Variants in ALX4 observed in about 807,000 individuals in gnomAD.
The protein encoded by ALX4 is homeobox protein aristaless-like 4.
In ALX4, 22 loss-of-function variants were observed where a neutral mutation model predicts 40.6. That is an observed-to-expected ratio of 0.54 (90% CI 0.39 to 0.77). ALX4 has a LOEUF of 0.77. ALX4 is among the 30% of genes least tolerant of loss of function. The probability of loss-of-function intolerance (pLI) is 0.00; values close to 1 mark genes in which losing one functional copy is unlikely to be tolerated. For missense variants in ALX4, 556 were observed against 564.8 expected (o/e 0.98, Z 0.16); for synonymous variants, 266 against 240.5 (o/e 1.11, Z -0.98).
At chr11:44,302,128 G>A (rs755969621) in intron 1 of ALX4, among the ~76,000 whole-genome samples, 44 of 152,206 alleles carry the variant, frequency 2.9e-4, no homozygotes, top group Non-Finnish European at 4.4e-4. Context: ...CGCCTCTGGA[G>A]GCAGAGGCTA....
At chr11:44,303,306 T>C (rs1033449830) in intron 1 of ALX4, among the ~76,000 whole-genome samples, 5 of 152,184 alleles carry the variant, frequency 3.3e-5, no homozygotes, top group African/African-American at 1.2e-4. Context: ...ACTGGCTCCC[T>C]CTCTGCCCCC....
At chr11:44,306,776 G>T (rs1956471109) in intron 1 of ALX4, among the ~76,000 whole-genome samples, 1 of 152,158 alleles carries the variant, frequency 6.6e-6, no homozygotes, top group African/African-American at 2.4e-5. Flanking sequence ...TGCTGGCAGG[G>T]TAGGGATCCC....
At chr11:44,276,838 G>A (rs1275091756) in intron 1 of ALX4, among the ~76,000 whole-genome samples, 1 of 152,188 alleles carries the variant, frequency 6.6e-6, no homozygotes, top group Non-Finnish European at 1.5e-5. Flanking sequence ...TCACGCCTCT[G>A]TGAGAATCTA....
chr11:44,280,238 G>A (rs1956301742), intron 1 of ALX4, among the ~76,000 whole-genome samples: 1 of 152,234 alleles, frequency 6.6e-6, no homozygotes, highest in Non-Finnish European at 1.5e-5. Flanking sequence ...AGGGACAGAA[G>A]GAGAAGCAGA....
rs182439373 is a variant in ALX4, at chr11:44,277,658, T to G, written c.467-2000A>C. On this transcript the variant is annotated intron_variant, in intron 1 of 3. Transcript: ENST00000652299. Reference sequence around the variant, plus strand: ...GATCCTGAGGGCTGAAGCTTCAGACTCGTCTCATTCCTGGCTTTCTGTGCA... The same window carrying G: ...GATCCTGAGGGCTGAAGCTTCAGACGCGTCTCATTCCTGGCTTTCTGTGCA... 3.9e-5 allele frequency among the ~76,000 whole-genome samples: 6 copies of G among 152,346 alleles called. No individual in the cohort carries two copies. The East Asian group carries it at 1.2e-3, about 29-fold the overall frequency.
At chr11:44,297,722 TAATAA>T (rs10542746) in intron 1 of ALX4, among the ~76,000 whole-genome samples, 145,193 of 150,614 alleles carry the variant, frequency 0.96, 70,144 homozygotes, top group Non-Finnish European at 1. Context: ...TCTCAAAAAA[TAATAA>T]AATAAAATAA....
At chr11:44,300,246 C>A (rs530060067) in intron 1 of ALX4, among the ~76,000 whole-genome samples, 1 of 152,278 alleles carries the variant, frequency 6.6e-6, no homozygotes, top group South Asian at 2.1e-4. Flanking sequence ...AACCCCAAGG[C>A]CTCTGAAACC....
At position 44,262,628 on chromosome 11, in the gene ALX4, C is replaced by T. The variant is rs78607024; in HGVS notation, c.*2226G>A. On this transcript the variant is annotated 3_prime_UTR_variant, in exon 4 of 4. Transcript: ENST00000652299. ...TCTGGAGCTACCTGTCTGTCCTCCTCTTTGTCCTGATTCCCTTGCTCTCCC... is the reference window on the plus strand; with the variant it reads ...TCTGGAGCTACCTGTCTGTCCTCCTTTTTGTCCTGATTCCCTTGCTCTCCC... 0.024 allele frequency: 3,717 copies of T among 152,668 alleles called. 94 individuals are homozygous for T. Among genetic ancestry groups the T allele is most frequent in the Admixed American group, 0.069 (1,056 of 15,306 alleles). 9.5% of individuals were successfully genotyped at this position (152,668 alleles called of 1,614,324 possible).
At position 44,288,899 on chromosome 11, in the gene ALX4, C is replaced by T. The variant is rs532627353; in HGVS notation, c.467-13241G>A. Among the ~76,000 whole-genome samples the T allele has an allele frequency of 4.1e-4, 63 of 152,340 alleles. No individual in the cohort carries two copies. In the South Asian group the frequency reaches 7.7e-3, roughly 19 times the overall value. The stretch of plus-strand genomic sequence containing the variant: ...AAAGAACCCTAAACTTTGTCCAGCC[C>T]TCAGCCCCCATGGCCCCTCTGCCAA... On this transcript the variant is annotated intron_variant, in intron 1 of 3. Coordinates refer to ENST00000652299, the MANE Select transcript of ALX4 (RefSeq NM_021926.4).
chr11:44,306,494 CT>C (rs1319671437), intron 1 of ALX4, among the ~76,000 whole-genome samples: 1 of 152,246 alleles, frequency 6.6e-6, no homozygotes, highest in Non-Finnish European at 1.5e-5. Flanking sequence ...GAGCTTCCCC[CT>C]TTTGTTAGGT....
At position 44,261,976 on chromosome 11, in the gene ALX4, G is replaced by GC. The variant is rs1176449859; in HGVS notation, c.*2877dup. On this transcript the variant is annotated 3_prime_UTR_variant, in exon 4 of 4. Coordinates refer to ENST00000652299, the MANE Select transcript of ALX4 (RefSeq NM_021926.4). Reference sequence around the variant, plus strand: ...CCTGCTCTGCAGTGCAGAAGGTTGGGCCTAGCCACCTGTCTTGGAAGGGAC... The same window carrying GC: ...CCTGCTCTGCAGTGCAGAAGGTTGGGCCCTAGCCACCTGTCTTGGAAGGGAC... 1 of 152,300 alleles carries GC rather than the reference G, an allele frequency of 6.6e-6. No homozygotes were observed. Among genetic ancestry groups the GC allele is most frequent in the African/African-American group, 2.4e-5 (1 of 41,478 alleles). 9.4% of individuals were successfully genotyped at this position (152,300 alleles called of 1,614,324 possible).
At chr11:44,292,195 G>C (rs1203529520) in intron 1 of ALX4, among the ~76,000 whole-genome samples, 1 of 152,026 alleles carries the variant, frequency 6.6e-6, no homozygotes, top group East Asian at 1.9e-4. Flanking sequence ...GGATGAGAAA[G>C]GGAAAGTAAT....
At position 44,267,650 on chromosome 11, in the gene ALX4, C is replaced by T. The variant is rs746702019; in HGVS notation, c.778-28G>A. The T allele has an allele frequency of 1.5e-5, 24 of 1,613,832 alleles. No individual in the cohort carries two copies. In the South Asian group the frequency reaches 2.5e-4, roughly 17 times the overall value. ...ACAAGACGCGAAAAAGCCATTGTCA[C>T]CAGGGTGAGATGCCCGCCTGGAGGC... is the stretch of plus-strand genomic sequence containing the variant. On this transcript the variant is annotated intron_variant, in intron 2 of 3. Transcript: ENST00000652299.
intron 1 of ALX4, 118 bp downstream of exon 1, chr11:44,309,479 G>A: frequency 6.7e-7 from 1 of 1,492,092 alleles, no homozygotes. Flanking sequence ...ACCGACCAGA[G>A]TCACCACCCC....
chr11:44,284,831 C>CG (rs1565004583), intron 1 of ALX4, among the ~76,000 whole-genome samples: 2 of 151,934 alleles, frequency 1.3e-5, no homozygotes, highest in South Asian at 4.2e-4. Flanking sequence ...ACTTTTCTTT[C>CG]GCATTACAAA....
intron 3 of ALX4, among the ~76,000 whole-genome samples, chr11:44,267,177 G>A (rs1956218040): frequency 6.6e-6 from 1 of 152,194 alleles, no homozygotes; most frequent in Admixed American, 6.5e-5. Context: ...CGGTATCTGA[G>A]GGCCTGGTGG....
At chr11:44,289,006 T>G (rs1454223057) in intron 1 of ALX4, among the ~76,000 whole-genome samples, 1 of 152,192 alleles carries the variant, frequency 6.6e-6, no homozygotes, top group Non-Finnish European at 1.5e-5. Flanking sequence ...CTTGCCTTAC[T>G]GATTCATTCA....
At chr11:44,292,010 G>A (rs1038147234) in intron 1 of ALX4, among the ~76,000 whole-genome samples, 1 of 151,616 alleles carries the variant, frequency 6.6e-6, no homozygotes, top group African/African-American at 2.4e-5. Flanking sequence ...GTAGAGGTGG[G>A]GTTTCACCAT....
chr11:44,301,256 T>C (rs780279965), intron 1 of ALX4, among the ~76,000 whole-genome samples: 15 of 152,232 alleles, frequency 9.9e-5, no homozygotes, highest in Non-Finnish European at 1.8e-4. Context: ...CATGTCACCA[T>C]GACCCATTGT....
Sources: allele counts gnomAD v4.1 joint callset (sites outside exome capture counted in the v4.1 genomes callset), GRCh38; gene constraint gnomAD v4.1.1; transcripts MANE v1.5; gene names NCBI Gene and HGNC (gene_info 2026-07-23, HGNC 2026-07-21).